Variants in PDE1C observed in about 807,000 individuals in gnomAD.
PDE1C encodes dual specificity calcium/calmodulin-dependent 3',5'-cyclic nucleotide phosphodiesterase 1C.
A neutral mutation model predicts 93.1 loss-of-function variants in PDE1C; 62 were observed. That is an observed-to-expected ratio of 0.67 (90% CI 0.54 to 0.82). PDE1C has a LOEUF of 0.82. Ranked by LOEUF, PDE1C falls within the 40% of genes least tolerant of loss-of-function variation. The pLI is 0.00. For synonymous variants in PDE1C, 325 were observed against 310.1 expected (o/e 1.05, Z -0.50); for missense variants, 742 against 884.6 (o/e 0.84, Z 2.04).
chr7:31,623,158 C>T, the PDE1C span, among the ~76,000 whole-genome samples: 52 of 152,030 alleles, frequency 3.4e-4, no homozygotes, highest in Admixed American at 2.1e-3. Flanking sequence ...GATTCACAGC[C>T]GAATTCTACC....
At chr7:31,691,997 C>G in the PDE1C span, among the ~76,000 whole-genome samples, 2 of 152,132 alleles carry the variant, frequency 1.3e-5, no homozygotes, top group African/African-American at 4.8e-5. Flanking sequence ...TCTGTCTCCT[C>G]ATCTGTGAAG....
intron 2 of PDE1C, among the ~76,000 whole-genome samples, chr7:31,970,194 T>C (rs1048069489): frequency 5.9e-5 from 9 of 152,072 alleles, no homozygotes; most frequent in African/African-American, 2.2e-4. Context: ...ATGGAAGTGG[T>C]GGAAAAATAT....
the PDE1C span, among the ~76,000 whole-genome samples, chr7:31,690,257 T>C: frequency 6.6e-6 from 1 of 152,234 alleles, no homozygotes; most frequent in Non-Finnish European, 1.5e-5. Context: ...TAGACAACAT[T>C]ACATAAAAAT....
At chr7:31,843,481 A>G (rs1792170102) in intron 9 of PDE1C, among the ~76,000 whole-genome samples, 1 of 151,784 alleles carries the variant, frequency 6.6e-6, no homozygotes, top group Admixed American at 6.6e-5. Context: ...CTTGCAGTTC[A>G]TTTTAGCTAA....
chr7:32,086,912 C>T (rs1222472903), intron 3 of PDE1C, among the ~76,000 whole-genome samples: 1 of 151,032 alleles, frequency 6.6e-6, no homozygotes, highest in African/African-American at 2.4e-5. Flanking sequence ...TAGAAGAAAA[C>T]CTAGCCATTA....
chr7:32,061,874 A>G (rs73098654), intron 1 of PDE1C, among the ~76,000 whole-genome samples: 1 of 152,208 alleles, frequency 6.6e-6, no homozygotes, highest in Non-Finnish European at 1.5e-5. Context: ...ACCTTCCTTC[A>G]GACTATTTAG....
upstream of PDE1C, among the ~76,000 whole-genome samples, chr7:32,303,264 C>T (rs1419241999): frequency 1.3e-5 from 2 of 152,126 alleles, no homozygotes; most frequent in Non-Finnish European, 2.9e-5. Flanking sequence ...ACCAAGAGTT[C>T]TAGCTAATCT....
chr7:31,790,724 C>T (rs936448303), intron 16 of PDE1C, among the ~76,000 whole-genome samples: 21 of 152,096 alleles, frequency 1.4e-4, no homozygotes, highest in African/African-American at 4.6e-4. Flanking sequence ...ACATTTAAAG[C>T]AAGATGTATC....
At chr7:31,746,030 A>AGAGAAGCCCTCTGT in the PDE1C span, among the ~76,000 whole-genome samples, 117,313 of 150,836 alleles carry the variant, frequency 0.78, 46,115 homozygotes, top group South Asian at 0.86. Context: ...TCAGTGACTG[A>AGAGAAGCCCTCTGT]GAGAAGCCCT....
At chr7:32,170,016 G>A in intron 2 of PDE1C, 2 of 1,446,454 alleles carry the variant, frequency 1.4e-6, no homozygotes, top group Non-Finnish European at 1.9e-6. Flanking sequence ...TCCATGTCCT[G>A]CCTTCCCCAA....
chr7:31,878,065 A>G, intron 4 of PDE1C, 29 bp from the exon 5 acceptor site: 1 of 1,489,616 alleles, frequency 6.7e-7, no homozygotes, highest in African/African-American at 1.4e-5. Context: ...AAAATGCAAC[A>G]TGATATCTTA....
At chr7:32,390,330 G>A (rs1784725872) in intron 1 of PDE1C, among the ~76,000 whole-genome samples, 1 of 152,116 alleles carries the variant, frequency 6.6e-6, no homozygotes, top group Non-Finnish European at 1.5e-5. Flanking sequence ...TCTCAACTGG[G>A]AATGATTTTT....
At chr7:32,419,518 T>C (rs1052905677) in intron 1 of PDE1C, among the ~76,000 whole-genome samples, 4 of 152,118 alleles carry the variant, frequency 2.6e-5, no homozygotes, top group Non-Finnish European at 5.9e-5. Context: ...AATCCAGTCA[T>C]CTGAGAATAA....
intron 1 of PDE1C, among the ~76,000 whole-genome samples, chr7:32,397,998 A>T (rs956101600): frequency 1.3e-5 from 2 of 152,064 alleles, no homozygotes; most frequent in Non-Finnish European, 2.9e-5. Context: ...ACTAAAAATA[A>T]AAAAATTAGC....
chr7:32,115,618 G>T (rs528850202), intron 3 of PDE1C, among the ~76,000 whole-genome samples: 147 of 152,104 alleles, frequency 9.7e-4, no homozygotes, highest in African/African-American at 3.4e-3. Context: ...CATGTATCCC[G>T]GAACTTAAAG....
chr7:31,815,852 T>TTCC, intron 15 of PDE1C, 72 bp downstream of exon 15: 1 of 1,132,952 alleles, frequency 8.8e-7, no homozygotes, highest in South Asian at 1.3e-5. Flanking sequence ...TCAGTAGGGT[T>TTCC]GTTCACCAGT....
chr7:32,021,996 T>A (rs1788744279), intron 2 of PDE1C, among the ~76,000 whole-genome samples: 2 of 152,064 alleles, frequency 1.3e-5, no homozygotes, highest in Non-Finnish European at 2.9e-5. Flanking sequence ...AATCAGGAAT[T>A]TTTTTTAATT....
the PDE1C span, among the ~76,000 whole-genome samples, chr7:31,675,141 T>C: frequency 6.6e-6 from 1 of 152,190 alleles, no homozygotes; most frequent in Non-Finnish European, 1.5e-5. Context: ...TTCCAAGCTT[T>C]GGTCACGGGC....
chr7:31,967,136 A>C (rs537571267), intron 2 of PDE1C, among the ~76,000 whole-genome samples: 1 of 152,220 alleles, frequency 6.6e-6, no homozygotes, highest in Non-Finnish European at 1.5e-5. Context: ...AAATAGAGAC[A>C]CAAAAAACCC....
Sources: allele counts gnomAD v4.1 joint callset (sites outside exome capture counted in the v4.1 genomes callset), GRCh38; gene constraint gnomAD v4.1.1; transcripts MANE v1.5; gene names NCBI Gene and HGNC (gene_info 2026-07-23, HGNC 2026-07-21).